The following CUBN variants were observed in gnomAD, a reference collection of about 807,000 sequenced individuals.
The protein encoded by CUBN is 460 kDa receptor.
Under a neutral mutation model 405.3 loss-of-function variants are expected in CUBN, and 282 were observed. The observed-to-expected ratio is 0.70, with a 90% CI of 0.63 to 0.77. CUBN has a LOEUF of 0.77. Ranked by LOEUF, CUBN falls within the 30% of genes least tolerant of loss-of-function variation. The pLI is 0.00. For synonymous variants in CUBN, 1,684 were observed against 1,617.0 expected (o/e 1.04, Z -0.99); for missense variants, 4,514 against 4,475.2 (o/e 1.01, Z -0.25).
At chr10:17,062,172 T>C (rs78405043) in intron 22 of CUBN, among the ~76,000 whole-genome samples, 5,025 of 152,268 alleles carry the variant, frequency 0.033, 93 homozygotes, top group East Asian at 0.067. Context: ...TCCATACTTT[T>C]AGCAATCACA....
At chr10:16,950,237 G>C (rs1191343300) in intron 33 of CUBN, 126 bp from the exon 34 acceptor site, 21 of 687,438 alleles carry the variant, frequency 3.1e-5, no homozygotes, top group Non-Finnish European at 5.3e-5. Context: ...AGTAAGACCT[G>C]TTTGATAGCA....
rs1841337452 is a variant in CUBN at position 16,900,722 on chromosome 10, T to C, written c.8313A>G (p.Thr2771=). 6.2e-7 allele frequency: 1 copy of C among 1,614,062 alleles called. No individual in the cohort carries two copies. The highest frequency in any genetic ancestry group is 1.3e-5 in the African/African-American group (1 of 74,928). ...GQYCGNSNPR[T]IQSGSNQLVV... ...CCAGCTGATTGGAACCTGACTGTAT[T>C]GTCCTGGGGTTTGAATTTCCACAGT... is the stretch of plus-strand genomic sequence containing the variant. Residue 2771 remains threonine, a synonymous_variant, in exon 53 of 67, where the codon ACA becomes ACG. Transcript: ENST00000377833.
Position 17,068,643 on chromosome 10 carries a change from T to C in CUBN, c.2753A>G (p.Asn918Ser), listed in dbSNP as rs781739600. The C allele has an allele frequency of 2.5e-5, 40 of 1,612,798 alleles. No homozygotes were observed. The African/African-American group carries it at 4.8e-4, about 19-fold the overall frequency. Reference sequence around the variant, plus strand: ...ACTGAACTTAGCCATGAAACCATGGTTTTCAGTAGAAGAACTTTTCACGAA... The same window carrying C: ...ACTGAACTTAGCCATGAAACCATGGCTTTCAGTAGAAGAACTTTTCACGAA... ...VTFVKSSSTE[N>S]HGFMAKFSAE... Residue 918 changes from asparagine (N) to serine (S), a missense_variant, in exon 20 of 67, where the codon AAC becomes AGC. By Grantham distance (46) the Asn-to-Ser change is conservative. Around this residue, in one of 5 missense-constraint regions of CUBN, gnomAD observed 1,448 missense variants for 1,388.0 expected, o/e 1.04. Transcript: ENST00000377833.
chr10:16,983,529 T>G (rs1384245443), intron 30 of CUBN, among the ~76,000 whole-genome samples: 1 of 152,228 alleles, frequency 6.6e-6, no homozygotes, highest in Non-Finnish European at 1.5e-5. Flanking sequence ...CTAGAGATAA[T>G]CCTCATAAAA....
At chr10:16,875,452 C>T (rs1185609378) in intron 57 of CUBN, among the ~76,000 whole-genome samples, 1 of 152,176 alleles carries the variant, frequency 6.6e-6, no homozygotes, top group Non-Finnish European at 1.5e-5. Context: ...TTCCACTTTA[C>T]ATCCTCAGAA....
chr10:16,981,898 A>G (rs1327146254), intron 31 of CUBN, among the ~76,000 whole-genome samples: 1 of 152,186 alleles, frequency 6.6e-6, no homozygotes, highest in Non-Finnish European at 1.5e-5. Flanking sequence ...AACCTGTTCT[A>G]TCAGAACATG....
At chr10:17,034,319 A>G (rs1834848998) in intron 27 of CUBN, among the ~76,000 whole-genome samples, 1 of 152,258 alleles carries the variant, frequency 6.6e-6, no homozygotes, top group Non-Finnish European at 1.5e-5. Flanking sequence ...TGAGGTAAAC[A>G]TAATATCAAC....
chr10:16,886,093 T>C (rs1168731895), intron 56 of CUBN, among the ~76,000 whole-genome samples: 1 of 152,238 alleles, frequency 6.6e-6, no homozygotes, highest in Non-Finnish European at 1.5e-5. Flanking sequence ...GTACTGGGAT[T>C]TTGGGCTAGC....
intron 60 of CUBN, among the ~76,000 whole-genome samples, chr10:16,850,658 A>T (rs567537614): frequency 4.7e-4 from 71 of 152,196 alleles, no homozygotes; most frequent in Admixed American, 1.2e-3. Flanking sequence ...TCTTTAGTAG[A>T]AACAGGGTTT....
At chr10:16,949,777 T>C (rs1201543528) in intron 34 of CUBN, among the ~76,000 whole-genome samples, 2 of 152,158 alleles carry the variant, frequency 1.3e-5, no homozygotes, top group African/African-American at 2.4e-5. Context: ...TTAAAACATA[T>C]ACACAAACTA....
At chr10:17,077,877 G>C (rs1835885180) in intron 17 of CUBN, among the ~76,000 whole-genome samples, 1 of 152,144 alleles carries the variant, frequency 6.6e-6, no homozygotes, top group African/African-American at 2.4e-5. Context: ...ATGATTTTTA[G>C]AGTTGGTATT....
intron 31 of CUBN, among the ~76,000 whole-genome samples, chr10:16,970,122 G>A (rs1843510842): frequency 6.6e-6 from 1 of 152,232 alleles, no homozygotes; most frequent in Non-Finnish European, 1.5e-5. Context: ...GCACCTGGCA[G>A]TGTCTGGTAC....
At chr10:16,946,598 G>C (rs916912035) in intron 36 of CUBN, among the ~76,000 whole-genome samples, 1 of 150,902 alleles carries the variant, frequency 6.6e-6, no homozygotes, top group African/African-American at 2.4e-5. Context: ...CAGGTTCAGG[G>C]CATTCTCCTG....
chr10:17,098,666 G>A (rs532243573), intron 14 of CUBN, among the ~76,000 whole-genome samples: 13 of 152,230 alleles, frequency 8.5e-5, no homozygotes, highest in East Asian at 7.7e-4. Context: ...AATTATGTAC[G>A]TTTAAAAAAT....
rs770563099 is a variant in CUBN at position 16,913,917 on chromosome 10, CG to C, written c.7426del (p.Arg2476GlyfsTer17). Reference sequence around the variant, plus strand: ...GGCAGTGATTCTCCACTCGCAGATCCGGCCATGAGGATTTGGGTTCGGGTAG... The same window carrying C: ...GGCAGTGATTCTCCACTCGCAGATCCGCCATGAGGATTTGGGTTCGGGTAG... The part of the protein sequence containing the change: ...PNYPNPNPHG[R>X]ICEWRITAPE... On this transcript the variant is annotated frameshift_variant, in exon 48 of 67. Coordinates refer to ENST00000377833, the MANE Select transcript of CUBN (RefSeq NM_001081.4). LOFTEE classifies it high-confidence loss of function. 1 of 1,614,058 alleles carries C rather than the reference CG, an allele frequency of 6.2e-7. No individual in the cohort carries two copies. The highest frequency in any genetic ancestry group is 8.5e-7 in the Non-Finnish European group (1 of 1,180,010).
At chr10:17,002,194 C>G (rs536969387) in intron 28 of CUBN, among the ~76,000 whole-genome samples, 1 of 152,076 alleles carries the variant, frequency 6.6e-6, no homozygotes, top group Non-Finnish European at 1.5e-5. Context: ...TGGCTTAGAA[C>G]TCAAGTTTCT....
chr10:16,985,787 CTT>C (rs987235544), intron 29 of CUBN, among the ~76,000 whole-genome samples: 1 of 152,240 alleles, frequency 6.6e-6, no homozygotes, highest in African/African-American at 2.4e-5. Flanking sequence ...AGGGAACTCT[CTT>C]GTTTCACTTC....
In CUBN at chr10:17,020,076, G is replaced by A. The variant is rs1453082833; in HGVS notation, c.4018-93C>T. The A allele has an allele frequency of 2.1e-6, 3 of 1,427,182 alleles. No individual in the cohort carries two copies. The East Asian group carries it at 6.8e-5, about 33-fold the overall frequency. 88.4% of individuals were successfully genotyped at this position (1,427,182 alleles called of 1,614,324 possible). ...CACAAGTAGCAAAAGCTGTTCCTTG[G>A]TTCAAAAGTTAGAGGTAAATCTGCT... On this transcript the variant is annotated intron_variant, in intron 27 of 66. Transcript: ENST00000377833.
At chr10:16,950,272 T>C (rs961522480) in intron 33 of CUBN, among the ~76,000 whole-genome samples, 161 bp from the exon 34 acceptor site, 5 of 152,178 alleles carry the variant, frequency 3.3e-5, no homozygotes, top group Non-Finnish European at 5.9e-5. Flanking sequence ...TAGTCGATAA[T>C]AACTTATTGT....
Sources: allele counts gnomAD v4.1 joint callset (sites outside exome capture counted in the v4.1 genomes callset), GRCh38; gene constraint gnomAD v4.1.1; regional missense constraint gnomAD v4.1.1; transcripts MANE v1.5; gene names NCBI Gene and HGNC (gene_info 2026-07-23, HGNC 2026-07-21).